Variants in HDGFL2 observed in about 807,000 individuals in gnomAD.
HDGFL2 encodes the protein hepatoma-derived growth factor-related protein 2.
Under a neutral mutation model 77.1 loss-of-function variants are expected in HDGFL2, and 36 were observed. That is an observed-to-expected ratio of 0.47 (90% confidence interval 0.36 to 0.62). The LOEUF is 0.62. HDGFL2 is among the 20% of genes least tolerant of loss of function. The pLI, the probability that HDGFL2 is intolerant of heterozygous loss-of-function variation, is 0.00. For missense variants in HDGFL2, 976 were observed against 973.4 expected (o/e 1.00, Z -0.04); for synonymous variants, 463 against 413.1 (o/e 1.12, Z -1.46).
chr19:4,472,801 G>A (rs1280196359), intron 1 of HDGFL2, among the ~76,000 whole-genome samples: 1 of 148,766 alleles, frequency 6.7e-6, no homozygotes, highest in East Asian at 2.0e-4. Flanking sequence ...GTCTGGGCCT[G>A]CAGGAGCCCC....
chr19:4,474,678 C>T (rs1354010283), intron 1 of HDGFL2, among the ~76,000 whole-genome samples: 2 of 152,130 alleles, frequency 1.3e-5, no homozygotes, highest in Non-Finnish European at 2.9e-5. Flanking sequence ...AGAGCACTCG[C>T]TTTTCTCTCC....
chr19:4,489,323 G>T (rs1975447959), intron 4 of HDGFL2, among the ~76,000 whole-genome samples: 1 of 150,690 alleles, frequency 6.6e-6, no homozygotes, highest in African/African-American at 2.4e-5. Context: ...GCACGATCTT[G>T]GCTCACTGCA....
intron 6 of HDGFL2, among the ~76,000 whole-genome samples, chr19:4,493,293 GTGTGTGTGGTGTGTGTGTGGTGTC>G (rs1289765936): frequency 7.1e-6 from 1 of 140,774 alleles, no homozygotes; most frequent in Non-Finnish European, 1.6e-5. Context: ...TGTGTGTGGT[GTGTGTGTGGTGTGTGTGTGGTGTC>G]TGTGTGTGGC....
intron 1 of HDGFL2, chr19:4,474,754 A>C (rs1323993535): frequency 1.3e-5 from 2 of 154,848 alleles, no homozygotes; most frequent in African/African-American, 4.8e-5. Context: ...ATTGGAAGTG[A>C]AGGGGCTGTT....
intron 3 of HDGFL2, among the ~76,000 whole-genome samples, chr19:4,478,296 G>A (rs1019966929): frequency 1.3e-5 from 2 of 149,816 alleles, no homozygotes; most frequent in African/African-American, 4.9e-5. Flanking sequence ...TCCGCCTCCC[G>A]GGTTCAAGCG....
In HDGFL2 at chr19:4,496,401, G is replaced by A; in HGVS notation, c.1324G>A (p.Ala442Thr). ...KRVRPEEKQQ[A>T]KPVKVERTRK... ...AGTGCGGCCCGAGGAGAAGCAACAA[G>A]CCAAGTGAGCCCTGCTCTGCCCCTC... The change falls in exon 10 of 16, where the codon GCC becomes ACC. Residue 442 changes from alanine to threonine, a missense_variant. Physicochemically the swap from Ala to Thr is moderately conservative, Grantham distance 58. Transcript: ENST00000616600. The A allele has an allele frequency of 6.2e-7, 1 of 1,613,082 alleles. No homozygotes were observed. Among genetic ancestry groups the A allele is most frequent in the Non-Finnish European group, 8.5e-7 (1 of 1,179,440 alleles).
chr19:4,498,106 C>A, intron 11 of HDGFL2, 75 bp downstream of exon 11: 1 of 1,325,244 alleles, frequency 7.5e-7, no homozygotes, highest in African/African-American at 1.5e-5. Context: ...CGTGGCTGGC[C>A]TGTCCCGCCT....
intron 6 of HDGFL2, among the ~76,000 whole-genome samples, chr19:4,492,991 T>TGTGTGTGTGGTTGTGTGTGGTGC: frequency 7.5e-6 from 1 of 133,854 alleles, no homozygotes; most frequent in South Asian, 2.4e-4. Context: ...CTGTGTGTAG[T>TGTGTGTGTGGTTGTGTGTGGTGC]GTGTGTGTGG....
In HDGFL2 at chr19:4,502,109, T is replaced by G; in HGVS notation, c.*99T>G. The stretch of plus-strand genomic sequence containing the variant: ...GAGCAGAGAACTGTGGGGAACGCTG[T>G]GCTGTTTGTATTTGTTCCCTTGGGT... On this transcript the variant is annotated 3_prime_UTR_variant, in exon 16 of 16. Transcript: ENST00000616600. The G allele has an allele frequency of 2.3e-6, 2 of 869,796 alleles. No individual in the cohort carries two copies. The highest frequency in any genetic ancestry group is 3.7e-6 in the Non-Finnish European group (2 of 539,762). The allele number at this position is 869,796 out of a possible 1,614,324, so 53.9% of individuals were successfully genotyped here. A position where few individuals can be genotyped will look rare whatever the true frequency, so the allele number is the denominator to read the frequency against.
rs375153544 is a variant in HDGFL2 at position 4,491,812 on chromosome 19, C to T, written c.655C>T (p.Pro219Ser). The T allele has an allele frequency of 2.6e-5, 42 of 1,613,864 alleles. No individual in the cohort carries two copies. The highest frequency in any genetic ancestry group is 1.7e-5 in the Admixed American group (1 of 59,996). ...AGCGGTCCGGGCGCCACGGAGGGGC[C>T]CTCTGGGGGGACGGAAAAAAAAGGT... ...KAAVRAPRRG[P>S]LGGRKKKKAP... The change falls in exon 6 of 16, where the codon CCT becomes TCT. Residue 219 changes from proline (P) to serine (S), a missense_variant. By Grantham distance (74) the Pro-to-Ser change is moderately conservative (BLOSUM62 -1). Transcript: ENST00000616600.
chr19:4,494,621 A>T, intron 9 of HDGFL2, 146 bp downstream of exon 9: 1 of 571,444 alleles, frequency 1.7e-6, no homozygotes, highest in Non-Finnish European at 2.6e-6. Context: ...AGGAGGGGAC[A>T]TTCATGGGAG....
chr19:4,488,618 A>T, intron 3 of HDGFL2, 58 bp from the exon 4 acceptor site: 2 of 1,463,510 alleles, frequency 1.4e-6, no homozygotes, highest in Non-Finnish European at 1.8e-6. Flanking sequence ...CATAGTCCTG[A>T]TGGGGAAATC....
intron 4 of HDGFL2, among the ~76,000 whole-genome samples, chr19:4,490,822 CG>C (rs1975487071): frequency 6.8e-6 from 1 of 146,610 alleles, no homozygotes; most frequent in African/African-American, 2.5e-5. Context: ...TTTTTTTTGG[CG>C]GGTGGGGGAT....
intron 6 of HDGFL2, among the ~76,000 whole-genome samples, chr19:4,492,988 T>C (rs570756106): frequency 1.5e-4 from 21 of 140,162 alleles, no homozygotes; most frequent in Middle Eastern, 4.3e-3. Context: ...TGTCTGTGTG[T>C]AGTGTGTGTG....
At chr19:4,498,484 G>A in intron 12 of HDGFL2, 108 bp downstream of exon 12, 2 of 886,542 alleles carry the variant, frequency 2.3e-6, no homozygotes, top group Non-Finnish European at 3.6e-6. Context: ...CTGCAGTTGG[G>A]TGGGCCAGGA....
intron 3 of HDGFL2, among the ~76,000 whole-genome samples, chr19:4,483,651 G>A (rs1423742197): frequency 6.6e-6 from 1 of 151,942 alleles, no homozygotes; most frequent in Admixed American, 6.6e-5. Context: ...CGAGCCCCGT[G>A]ACATGCCTCT....
At chr19:4,489,320 C>G (rs903116601) in intron 4 of HDGFL2, among the ~76,000 whole-genome samples, 1 of 151,016 alleles carries the variant, frequency 6.6e-6, no homozygotes, top group African/African-American at 2.4e-5. Flanking sequence ...GTGGCACGAT[C>G]TTGGCTCACT....
intron 4 of HDGFL2, among the ~76,000 whole-genome samples, chr19:4,490,563 A>G (rs1975480318): frequency 6.6e-6 from 1 of 152,190 alleles, no homozygotes; most frequent in Non-Finnish European, 1.5e-5. Context: ...TCTCCTGGGT[A>G]TATTCTCTGT....
chr19:4,498,173 G>C (rs1975759328), intron 11 of HDGFL2, 133 bp from the exon 12 acceptor site: 15 of 1,136,028 alleles, frequency 1.3e-5, no homozygotes, highest in Non-Finnish European at 1.9e-5. Context: ...GGTGCCTCCA[G>C]GGGTGGGGGC....
Sources: gnomAD v4.1 joint callset for allele counts (sites outside exome capture counted in the v4.1 genomes callset) on GRCh38, gnomAD v4.1.1 for gene constraint, MANE v1.5 for transcripts, NCBI Gene and HGNC (gene_info 2026-07-23, HGNC 2026-07-21) for gene names.